PARP15: variants seen among roughly 807,000 people sequenced by gnomAD.
The protein encoded by PARP15 is protein mono-ADP-ribosyltransferase PARP15.
Under a neutral mutation model 62.1 loss-of-function variants are expected in PARP15, and 50 were observed. That is an observed-to-expected ratio of 0.81 (90% CI 0.64 to 1.02). The LOEUF (loss-of-function observed/expected upper bound fraction) is 1.02, where lower values mean the gene tolerates loss of function less well. Ranked by LOEUF, PARP15 falls within the 50% of genes least tolerant of loss-of-function variation. The pLI is 0.00. For synonymous variants in PARP15, 309 were observed against 293.1 expected (o/e 1.05, Z -0.55); for missense variants, 820 against 826.5 (o/e 0.99, Z 0.10).
At chr3:122,585,232 A>G (rs1210666319) in intron 1 of PARP15, among the ~76,000 whole-genome samples, 15 of 152,162 alleles carry the variant, frequency 9.9e-5, no homozygotes. Context: ...AAATCTACCT[A>G]GCTACTCAGG....
chr3:122,581,934 A>G (rs1050890185), intron 1 of PARP15, among the ~76,000 whole-genome samples: 4 of 152,220 alleles, frequency 2.6e-5, no homozygotes, highest in Non-Finnish European at 4.4e-5. Context: ...GAAGTGAAAG[A>G]TCACCAGCTT....
At chr3:122,584,574 C>CATTTTTTTT (rs1933260775) in intron 1 of PARP15, among the ~76,000 whole-genome samples, 2 of 136,654 alleles carry the variant, frequency 1.5e-5, no homozygotes, top group East Asian at 2.1e-4. Context: ...CATTTCTTTC[C>CATTTTTTTT]TTTTTTTTTT....
chr3:122,598,928 G>A (rs2107501619), intron 1 of PARP15, among the ~76,000 whole-genome samples: 1 of 151,620 alleles, frequency 6.6e-6, no homozygotes, highest in Non-Finnish European at 1.5e-5. Flanking sequence ...TTTTGCTCTT[G>A]TCACCCTGGA....
At position 122,636,312 on chromosome 3, in the gene PARP15, G is replaced by A. The variant is rs747363757; in HGVS notation, c.*212G>A. On this transcript the variant is annotated 3_prime_UTR_variant, in exon 12 of 12. Transcript: ENST00000464300. ...ATGGGTGGAAGCTGAGAAATGTATG[G>A]TAAATGTCACAGAGCTACAACCATT... is the stretch of plus-strand genomic sequence containing the variant. 1.3e-4 allele frequency: 73 copies of A among 547,514 alleles called. No homozygotes were observed. Among genetic ancestry groups the A allele is most frequent in the Non-Finnish European group, 2.1e-4 (64 of 308,040 alleles). 33.9% of individuals were successfully genotyped at this position (547,514 alleles called of 1,614,324 possible). A position where few individuals can be genotyped will look rare whatever the true frequency, so the allele number is the denominator to read the frequency against.
chr3:122,615,359 A>C (rs1935888143), intron 4 of PARP15: 4 of 1,293,878 alleles, frequency 3.1e-6, no homozygotes, highest in Non-Finnish European at 4.0e-6. Flanking sequence ...AATGTACCTA[A>C]CAGCCAAAGA....
At chr3:122,635,461 T>C (rs1937303727) in intron 11 of PARP15, among the ~76,000 whole-genome samples, 1 of 151,522 alleles carries the variant, frequency 6.6e-6, no homozygotes, top group African/African-American at 2.4e-5. Flanking sequence ...CAAACTGGAG[T>C]GCAGTGGCAA....
chr3:122,597,744 T>C (rs9883921), intron 1 of PARP15, among the ~76,000 whole-genome samples: 1 of 151,904 alleles, frequency 6.6e-6, no homozygotes, highest in African/African-American at 2.4e-5. Context: ...TTTATATATA[T>C]GCATATTATA....
In PARP15 at chr3:122,610,686, G is replaced by A; in HGVS notation, c.499G>A (p.Ala167Thr). The A allele has an allele frequency of 6.5e-7, 1 of 1,546,270 alleles. No individual in the cohort carries two copies. The highest frequency in any genetic ancestry group is 8.7e-7 in the Non-Finnish European group (1 of 1,144,162). ...TCTGGACTGCAAAGCTGTGCTCCAT[G>A]CTGTGGCTCCATACTGGAATAATGG... is the stretch of plus-strand genomic sequence containing the variant. ...CNLDCKAVLHAVAPYWNNGAE... is the reference protein window; with the variant it reads ...CNLDCKAVLHTVAPYWNNGAE... The change falls in exon 3 of 12, where the codon GCT (alanine) becomes ACT (threonine). Residue 167 changes from alanine (A) to threonine (T), a missense_variant. Physicochemically the swap from Ala to Thr is moderately conservative, Grantham distance 58 (BLOSUM62 0). Transcript: ENST00000464300.
At chr3:122,588,830 T>C (rs1274834432) in intron 1 of PARP15, among the ~76,000 whole-genome samples, 2 of 152,242 alleles carry the variant, frequency 1.3e-5, no homozygotes, top group Non-Finnish European at 2.9e-5. Context: ...ATTCATACAA[T>C]ATGTGGCCTT....
chr3:122,621,017 A>G (rs1936304932), intron 7 of PARP15, among the ~76,000 whole-genome samples: 1 of 152,166 alleles, frequency 6.6e-6, no homozygotes, highest in African/African-American at 2.4e-5. Flanking sequence ...ATGTGGCTGA[A>G]TGTGCATAGA....
chr3:122,612,931 T>C, intron 3 of PARP15, 110 bp from the exon 4 acceptor site: 1 of 943,864 alleles, frequency 1.1e-6, no homozygotes, highest in East Asian at 2.6e-5. Flanking sequence ...AGGCCCTGAC[T>C]AAGCCAACAA....
chr3:122,625,008 C>CT (rs879306799), intron 8 of PARP15, among the ~76,000 whole-genome samples: 12 of 146,750 alleles, frequency 8.2e-5, no homozygotes, highest in East Asian at 2.0e-4. Flanking sequence ...TTTACCATTA[C>CT]TTTTTTTTTT....
At position 122,638,825 on chromosome 3, in the gene PARP15, A is replaced by G. The variant is rs917041521; in HGVS notation, c.*2725A>G. On this transcript the variant is annotated 3_prime_UTR_variant, in exon 12 of 12. Coordinates refer to ENST00000464300, the MANE Select transcript of PARP15 (RefSeq NM_001113523.3). ...TTTAATTAGATCCCATATTTCTACC[A>G]TTTTTCATTAAACATTACAAGTTGT... is the stretch of plus-strand genomic sequence containing the variant. 1.4e-4 allele frequency: 22 copies of G among 152,020 alleles called. No individual in the cohort carries two copies. The highest frequency in any genetic ancestry group is 5.3e-4 in the African/African-American group (22 of 41,468). The allele number at this position is 152,020 out of a possible 1,614,324, so 9.4% of individuals were successfully genotyped here.
At chr3:122,626,525 A>G (rs1936741458) in intron 8 of PARP15, among the ~76,000 whole-genome samples, 1 of 152,092 alleles carries the variant, frequency 6.6e-6, no homozygotes, top group African/African-American at 2.4e-5. Context: ...ATTAGTCAAG[A>G]TAGGGAGATA....
intron 1 of PARP15, among the ~76,000 whole-genome samples, chr3:122,584,535 G>C (rs758168834): frequency 1.4e-5 from 2 of 142,312 alleles, no homozygotes; most frequent in African/African-American, 2.6e-5. Context: ...AAGTTCATCT[G>C]TTTTTATCAT....
intron 1 of PARP15, among the ~76,000 whole-genome samples, chr3:122,585,305 C>T (rs1170718797): frequency 2.6e-5 from 4 of 152,180 alleles, no homozygotes; most frequent in Admixed American, 6.5e-5. Flanking sequence ...AGTGTTTGCA[C>T]TTCTGCACTC....
At chr3:122,584,112 A>G (rs1933208508) in intron 1 of PARP15, among the ~76,000 whole-genome samples, 1 of 152,166 alleles carries the variant, frequency 6.6e-6, no homozygotes. Flanking sequence ...ACTGTCCCAT[A>G]TTGCCTGTTA....
intron 6 of PARP15, among the ~76,000 whole-genome samples, chr3:122,619,547 G>A (rs1936202633): frequency 6.6e-6 from 1 of 152,166 alleles, no homozygotes; most frequent in Middle Eastern, 3.2e-3. Context: ...AAATAGAGAA[G>A]GTAAAGTTGC....
chr3:122,601,038 T>TTTTTTTTTTTC (rs1934756935), intron 1 of PARP15, among the ~76,000 whole-genome samples: 5 of 127,268 alleles, frequency 3.9e-5, no homozygotes, highest in African/African-American at 1.8e-4. Flanking sequence ...CTTTTATGGT[T>TTTTTTTTTTTC]TTTTTTTTTT....
Sources: allele counts gnomAD v4.1 joint callset (sites outside exome capture counted in the v4.1 genomes callset), GRCh38; gene constraint gnomAD v4.1.1; transcripts MANE v1.5; gene names NCBI Gene and HGNC (gene_info 2026-07-23, HGNC 2026-07-21).